Variants in CPS1 observed in about 807,000 individuals in gnomAD.
CPS1 encodes carbamoyl-phosphate synthase 1, also known as carbamoyl-phosphate synthase [ammonia], mitochondrial.
A neutral mutation model predicts 174.6 loss-of-function variants in CPS1; 109 were observed. The ratio of observed to expected loss-of-function variants is 0.62; its 90% CI spans 0.53 to 0.73. The LOEUF (loss-of-function observed/expected upper bound fraction) is 0.73, where lower values mean the gene tolerates loss of function less well. Among genes scored for constraint, CPS1 ranks in the 30% least tolerant of loss-of-function variants. CPS1 has a pLI of 0.00. For missense variants in CPS1, 1,689 were observed against 1,821.9 expected, an observed-to-expected ratio of 0.93 and a Z score of 1.33; for synonymous variants, 637 against 632.0, an observed-to-expected ratio of 1.01 and a Z score of -0.12.
chr2:210,481,488 C>T (rs187743691), intron 1 of CPS1, among the ~76,000 whole-genome samples: 46 of 152,268 alleles, frequency 3.0e-4, no homozygotes, highest in African/African-American at 9.6e-4. Context: ...CAAAACTCAG[C>T]CATGGAAAGA....
chr2:210,663,076 C>G, intron 32 of CPS1, 47 bp from the exon 33 acceptor site: 11 of 1,536,378 alleles, frequency 7.2e-6, no homozygotes, highest in Non-Finnish European at 9.9e-6. Context: ...TCATTTTCTA[C>G]TTTTCCCTCA....
intron 21 of CPS1, among the ~76,000 whole-genome samples, 193 bp downstream of exon 21, chr2:210,616,734 T>C (rs1699324975): frequency 6.6e-6 from 1 of 151,702 alleles, no homozygotes; most frequent in Non-Finnish European, 1.5e-5. Context: ...TTTAGAAATG[T>C]ATCCATTAAT....
intron 16 of CPS1, 139 bp from the exon 17 acceptor site, chr2:210,604,963 C>A: frequency 1.2e-6 from 1 of 849,160 alleles, no homozygotes; most frequent in Non-Finnish European, 1.9e-6. Flanking sequence ...CACATTGTGC[C>A]TTCTGTGCAG....
chr2:210,574,242 G>T (rs1236036000), intron 2 of CPS1, among the ~76,000 whole-genome samples: 2 of 151,958 alleles, frequency 1.3e-5, no homozygotes, highest in Non-Finnish European at 1.5e-5. Flanking sequence ...ACAATTATGT[G>T]TCTTAAAAAC....
At chr2:210,607,447 T>C (rs908666156) in intron 18 of CPS1, among the ~76,000 whole-genome samples, 1 of 152,006 alleles carries the variant, frequency 6.6e-6, no homozygotes. Context: ...CTGCTGTCTA[T>C]GTAACAGCCA....
At chr2:210,534,133 T>G (rs1160524680) in intron 1 of CPS1, among the ~76,000 whole-genome samples, 1 of 152,208 alleles carries the variant, frequency 6.6e-6, no homozygotes, top group Non-Finnish European at 1.5e-5. Flanking sequence ...TCACACAGCT[T>G]CTTAAAAGAA....
At chr2:210,628,317 A>C (rs990227484) in intron 21 of CPS1, among the ~76,000 whole-genome samples, 1 of 152,136 alleles carries the variant, frequency 6.6e-6, no homozygotes, top group Non-Finnish European at 1.5e-5. Context: ...TCTGCTTTCC[A>C]TGTAGGTAGT....
intron 1 of CPS1, among the ~76,000 whole-genome samples, chr2:210,482,291 G>C (rs1694589959): frequency 6.6e-6 from 1 of 151,664 alleles, no homozygotes; most frequent in Non-Finnish European, 1.5e-5. Context: ...AACTCTTGTA[G>C]ACTACGTTGA....
rs1179804867 is a variant in CPS1, at chr2:210,650,391, G to A, written c.3433G>A (p.Glu1145Lys). The A allele has an allele frequency of 6.2e-7, 1 of 1,613,680 alleles. No individual in the cohort carries two copies. Among genetic ancestry groups the A allele is most frequent in the Admixed American group, 1.7e-5 (1 of 59,992 alleles). The change falls in exon 28 of 38, where the codon GAG becomes AAG. Residue 1145 changes from glutamate (E) to lysine (K), a missense_variant. Physicochemically the swap from Glu to Lys is moderately conservative, Grantham distance 56 (BLOSUM62 1). Coordinates refer to ENST00000233072, the MANE Select transcript of CPS1 (RefSeq NM_001875.5). Reference sequence around the variant, plus strand: ...GTCTGCTATGAATGTGGTATTCTCTGAGGATGAGATGAAAAAATTCCTAGA... The same window carrying A: ...GTCTGCTATGAATGTGGTATTCTCTAAGGATGAGATGAAAAAATTCCTAGA... ...SGSAMNVVFS[E>K]DEMKKFLEEA...
At chr2:210,675,044 A>C in intron 35 of CPS1, 83 bp downstream of exon 35, 1 of 1,052,876 alleles carries the variant, frequency 9.5e-7, no homozygotes, top group East Asian at 2.4e-5. Flanking sequence ...TGGAAAAGAA[A>C]TAGCCCAAAA....
chr2:210,592,960 C>T lies in CPS1; in HGVS notation c.1164+4C>T, dbSNP rs369479217. 29 of 1,610,180 alleles carry T rather than the reference C, an allele frequency of 1.8e-5. No homozygotes were observed. The highest frequency in any genetic ancestry group is 5.4e-5 in the African/African-American group (4 of 74,510). ...CCCGGGGCCAATAGACACTGAGGTACGTCAAAAAGATGAGGCCTATTATGT... is the reference window on the plus strand; with the variant it reads ...CCCGGGGCCAATAGACACTGAGGTATGTCAAAAAGATGAGGCCTATTATGT... On this transcript the variant is annotated splice_donor_region_variant and intron_variant, in intron 11 of 37. Transcript: ENST00000233072.
intron 11 of CPS1, among the ~76,000 whole-genome samples, chr2:210,594,271 C>T (rs1698406477): frequency 6.6e-6 from 1 of 151,786 alleles, no homozygotes; most frequent in Non-Finnish European, 1.5e-5. Flanking sequence ...GATATGTTTA[C>T]TGCTTGTTGG....
intron 1 of CPS1, among the ~76,000 whole-genome samples, chr2:210,560,281 G>T (rs189226401): frequency 6.6e-6 from 1 of 152,016 alleles, no homozygotes; most frequent in East Asian, 1.9e-4. Context: ...TATACAGGAA[G>T]AATGATAAAT....
chr2:210,578,212 T>C (rs762884707), intron 4 of CPS1, among the ~76,000 whole-genome samples: 6 of 152,126 alleles, frequency 3.9e-5, no homozygotes, highest in Non-Finnish European at 7.4e-5. Context: ...GGGTTCAAGC[T>C]ATTCACCTGC....
chr2:210,562,943 A>G (rs1332249728), intron 1 of CPS1, among the ~76,000 whole-genome samples: 1 of 149,042 alleles, frequency 6.7e-6, no homozygotes, highest in Non-Finnish European at 1.5e-5. Flanking sequence ...AGAACATTTT[A>G]GTGGTGGAGT....
At chr2:210,652,818 T>G (rs977103163) in intron 28 of CPS1, among the ~76,000 whole-genome samples, 1 of 152,012 alleles carries the variant, frequency 6.6e-6, no homozygotes, top group Non-Finnish European at 1.5e-5. Context: ...AATGGAAGAT[T>G]TGAGAATGAA....
At chr2:210,661,809 G>A (rs181250999) in intron 32 of CPS1, among the ~76,000 whole-genome samples, 1 of 149,018 alleles carries the variant, frequency 6.7e-6, no homozygotes, top group Admixed American at 6.7e-5. Flanking sequence ...TTAAGTTCAT[G>A]TTTCTTTATT....
At chr2:210,616,321 T>C in intron 20 of CPS1, 102 bp from the exon 21 acceptor site, 1 of 801,620 alleles carries the variant, frequency 1.2e-6, no homozygotes, top group Middle Eastern at 2.7e-4. Context: ...AGTCTCGGGC[T>C]CTCTAAATAA....
chr2:210,620,292 A>G (rs957591362), intron 21 of CPS1, among the ~76,000 whole-genome samples: 5 of 152,132 alleles, frequency 3.3e-5, no homozygotes, highest in Non-Finnish European at 5.9e-5. Context: ...CTAGGTAGAT[A>G]TTATGGAAAT....
Sources: allele counts gnomAD v4.1 joint callset (sites outside exome capture counted in the v4.1 genomes callset), GRCh38; gene constraint gnomAD v4.1.1; transcripts MANE v1.5; gene names NCBI Gene and HGNC (gene_info 2026-07-23, HGNC 2026-07-21).